PINX1: variants seen among roughly 807,000 people sequenced by gnomAD.
PINX1 encodes PIN2 (TERF1) interacting telomerase inhibitor 1.
A neutral mutation model predicts 25.4 loss-of-function variants in PINX1; 34 were observed. The ratio of observed to expected loss-of-function variants is 1.34; its 90% CI spans 1.02 to 1.78. The LOEUF is 1.78. PINX1 is among the 40% of genes most tolerant of loss of function. The pLI, the probability that PINX1 is intolerant of heterozygous loss-of-function variation, is 0.00. For missense variants in PINX1, 592 were observed against 404.9 expected, an observed-to-expected ratio of 1.46 and a Z score of -3.97; for synonymous variants, 197 against 147.7, an observed-to-expected ratio of 1.33 and a Z score of -2.42.
chr8:10,815,194 G>A (rs979286703), intron 6 of PINX1, among the ~76,000 whole-genome samples: 41 of 152,030 alleles, frequency 2.7e-4, no homozygotes, highest in Admixed American at 1.2e-3. Flanking sequence ...CTCCCGCCTC[G>A]GCCTCCCAAA....
intron 6 of PINX1, among the ~76,000 whole-genome samples, chr8:10,788,466 G>A (rs1801821075): frequency 6.6e-6 from 1 of 152,090 alleles, no homozygotes; most frequent in Non-Finnish European, 1.5e-5. Flanking sequence ...TCAGGAGGCT[G>A]AGGCAAGAGA....
In PINX1 at chr8:10,787,811, G is replaced by A. The variant is rs745551866; in HGVS notation, c.472-21895C>T. ...TTCTGTAAGACAAGGAATCCAAGGT[G>A]ACTTCAACAATAAACTGCAAAGAAA... On this transcript the variant is annotated intron_variant, in intron 6 of 6. Coordinates refer to ENST00000314787, the MANE Select transcript of PINX1 (RefSeq NM_017884.6). 6.6e-6 allele frequency: 3 copies of A among 456,032 alleles called. 1 individual carries two copies. The highest frequency in any genetic ancestry group is 3.1e-5 in the South Asian group (2 of 64,498). The allele number at this position is 456,032 out of a possible 1,614,324, so 28.2% of individuals were successfully genotyped here. A position where few individuals can be genotyped will look rare whatever the true frequency, so the allele number is the denominator to read the frequency against.
intron 6 of PINX1, among the ~76,000 whole-genome samples, chr8:10,794,616 G>A (rs1384142256): frequency 6.6e-6 from 1 of 151,960 alleles, no homozygotes; most frequent in African/African-American, 2.4e-5. Context: ...TAGTAGAGAC[G>A]GGGTTTCACC....
chr8:10,765,728 T>G lies in PINX1; in HGVS notation c.660A>C (p.Thr220=), dbSNP rs768467753. ...GGAGGTAACTTTCCACATCTTTACC[T>G]GTGGCCTCTTTATTTCTTTTCTTCC... ...KRGKKRNKEA[T]GKDVESYLQP... is the part of the protein sequence containing the mutation. Residue 220 remains threonine, a synonymous_variant, in exon 7 of 7, where the codon ACA becomes ACC. Transcript: ENST00000314787. The G allele has an allele frequency of 6.2e-7, 1 of 1,613,904 alleles. No individual in the cohort carries two copies. The highest frequency in any genetic ancestry group is 8.5e-7 in the Non-Finnish European group (1 of 1,179,888).
At chr8:10,831,797 A>C (rs1798235210) in intron 3 of PINX1, 54 bp from the exon 4 acceptor site, 1 of 970,650 alleles carries the variant, frequency 1.0e-6, no homozygotes, top group East Asian at 2.6e-5. Context: ...ACTTACACTG[A>C]CTGAGATGAT....
chr8:10,780,843 G>GA (rs369199071), intron 6 of PINX1, among the ~76,000 whole-genome samples: 75 of 152,180 alleles, frequency 4.9e-4, no homozygotes, highest in African/African-American at 1.8e-3. Flanking sequence ...AATAGAAATA[G>GA]AAAAAACAAT....
At chr8:10,768,621 G>T (rs1228597801) in intron 6 of PINX1, among the ~76,000 whole-genome samples, 4 of 152,320 alleles carry the variant, frequency 2.6e-5, no homozygotes, top group African/African-American at 9.6e-5. Flanking sequence ...TGACTGGCTA[G>T]AGAGAGCTGC....
rs770167497 is a variant in PINX1, at chr8:10,765,465, A to G, written c.923T>C (p.Ile308Thr). The change falls in exon 7 of 7, where the codon ATA becomes ACA. Residue 308 changes from isoleucine (I) to threonine (T), a missense_variant. By Grantham distance (89) the Ile-to-Thr change is moderately conservative (BLOSUM62 -1). Coordinates refer to ENST00000314787, the MANE Select transcript of PINX1 (RefSeq NM_017884.6). The stretch of plus-strand genomic sequence containing the variant: ...TTCTTCTAGTGTAGCGTCCTCTGCT[A>G]TCTCTACTGGTTTTTGCAGCTTTTT... ...GKKKLQKPVE[I>T]AEDATLEETL... is the part of the protein sequence containing the mutation. The G allele has an allele frequency of 3.7e-6, 6 of 1,613,022 alleles. No homozygotes were observed. The highest frequency in any genetic ancestry group is 3.3e-5 in the Admixed American group (2 of 60,022).
chr8:10,780,616 C>CAAAAAAA (rs568002873), intron 6 of PINX1, among the ~76,000 whole-genome samples: 1 of 136,324 alleles, frequency 7.3e-6, no homozygotes, highest in African/African-American at 2.7e-5. Flanking sequence ...ATGGTACCAT[C>CAAAAAAA]AAAAAAAAAA....
chr8:10,834,828 C>T, intron 1 of PINX1, 53 bp from the exon 2 acceptor site: 1 of 1,280,950 alleles, frequency 7.8e-7, no homozygotes, highest in East Asian at 2.3e-5. Context: ...CCGGAAAATA[C>T]CACACAAACA....
At chr8:10,799,405 A>C (rs556384934) in intron 6 of PINX1, among the ~76,000 whole-genome samples, 1 of 152,264 alleles carries the variant, frequency 6.6e-6, no homozygotes, top group South Asian at 2.1e-4. Flanking sequence ...TGGGGAAATG[A>C]TGGGACAGAC....
At chr8:10,814,079 G>A (rs1382522210) in intron 6 of PINX1, among the ~76,000 whole-genome samples, 2 of 152,088 alleles carry the variant, frequency 1.3e-5, no homozygotes, top group African/African-American at 4.8e-5. Flanking sequence ...GGTCTCAAGG[G>A]GCCCTGGGAA....
At chr8:10,825,645 A>G (rs1798015375) in intron 5 of PINX1, among the ~76,000 whole-genome samples, 1 of 152,246 alleles carries the variant, frequency 6.6e-6, no homozygotes, top group Non-Finnish European at 1.5e-5. Flanking sequence ...GGCAATGACT[A>G]TGGAATGCCT....
At chr8:10,826,530 C>A (rs1563234876) in intron 4 of PINX1, among the ~76,000 whole-genome samples, 3 of 152,186 alleles carry the variant, frequency 2.0e-5, no homozygotes, top group African/African-American at 7.2e-5. Context: ...TGTGTTCACA[C>A]AAAACCTAGA....
intron 6 of PINX1, among the ~76,000 whole-genome samples, chr8:10,775,616 T>C (rs1801367480): frequency 6.6e-6 from 1 of 152,168 alleles, no homozygotes; most frequent in Non-Finnish European, 1.5e-5. Flanking sequence ...CTTTATCTTG[T>C]CTATGGACCA....
intron 6 of PINX1, among the ~76,000 whole-genome samples, chr8:10,778,472 A>G (rs1040248615): frequency 5.9e-5 from 9 of 152,106 alleles, no homozygotes; most frequent in African/African-American, 2.4e-5. Context: ...TCTCTGTCTC[A>G]TGTATCTCCT....
chr8:10,832,966 G>A lies in PINX1; in HGVS notation c.148C>T (p.Gln50Ter). 6.2e-7 allele frequency: 1 copy of A among 1,608,118 alleles called. No homozygotes were observed. The highest frequency in any genetic ancestry group is 8.5e-7 in the Non-Finnish European group (1 of 1,176,058). The change falls in exon 3 of 7, where the codon CAA becomes TAA. Residue 50 changes from glutamine (Q) to a stop codon, truncating the protein, a stop_gained. Coordinates refer to ENST00000314787, the MANE Select transcript of PINX1 (RefSeq NM_017884.6). LOFTEE classifies it high-confidence loss of function. ...SKGKGLGAQE[Q>*]GATDHIKVQV... ...ACTTTAATATGATCTGTGGCTCCTTGCTCCTGAGCCCCTAAACCCTGTGGA... is the reference window on the plus strand; with the variant it reads ...ACTTTAATATGATCTGTGGCTCCTTACTCCTGAGCCCCTAAACCCTGTGGA...
At chr8:10,774,275 G>T (rs1029908305) in intron 6 of PINX1, among the ~76,000 whole-genome samples, 1 of 151,648 alleles carries the variant, frequency 6.6e-6, no homozygotes, top group Non-Finnish European at 1.5e-5. Flanking sequence ...TTTCTAAAAA[G>T]AATAAGGTCT....
At chr8:10,812,686 C>A (rs1320268358) in intron 6 of PINX1, among the ~76,000 whole-genome samples, 1 of 152,228 alleles carries the variant, frequency 6.6e-6, no homozygotes, top group Non-Finnish European at 1.5e-5. Flanking sequence ...ATTCCCTGAA[C>A]GTACTCCTTG....
Sources: allele counts gnomAD v4.1 joint callset (sites outside exome capture counted in the v4.1 genomes callset), GRCh38; gene constraint gnomAD v4.1.1; transcripts MANE v1.5; gene names NCBI Gene and HGNC (gene_info 2026-07-23, HGNC 2026-07-21).